Variants in PPP1CC observed in about 807,000 individuals in gnomAD.
The protein encoded by PPP1CC is serine/threonine-protein phosphatase PP1-gamma catalytic subunit.
In PPP1CC, 16 loss-of-function variants were observed where a neutral mutation model predicts 38.4. That is an observed-to-expected ratio of 0.42 (90% CI 0.28 to 0.63). The LOEUF is 0.63. Among genes scored for constraint, PPP1CC ranks in the 30% least tolerant of loss-of-function variants. PPP1CC has a pLI of 0.25. For synonymous variants in PPP1CC, 158 were observed against 136.0 expected, an observed-to-expected ratio of 1.16 and a Z score of -1.13; for missense variants, 170 against 391.3, an observed-to-expected ratio of 0.43 and a Z score of 4.77.
chr12:110,709,267 T>C, the PPP1CC span, among the ~76,000 whole-genome samples: 2 of 152,138 alleles, frequency 1.3e-5, no homozygotes, highest in Non-Finnish European at 2.9e-5. Flanking sequence ...TCTCCCTCTG[T>C]TGCCCAGGCT....
the PPP1CC span, among the ~76,000 whole-genome samples, chr12:110,713,461 T>C: frequency 6.6e-6 from 1 of 152,098 alleles, no homozygotes; most frequent in Non-Finnish European, 1.5e-5. Context: ...TGGAGAATAC[T>C]TGGATTGAAC....
In PPP1CC at chr12:110,742,799, G is replaced by A. The variant is rs2098583699; in HGVS notation, c.-92C>T. On this transcript the variant is annotated 5_prime_UTR_variant, in exon 1 of 7. Transcript: ENST00000335007. ...CTTTCCCACGCCACGAGCAGAGGCG[G>A]TGGTGGCGGCGGTGGCAGCAGCCGC... is the stretch of plus-strand genomic sequence containing the variant. 3 of 1,112,648 alleles carry A rather than the reference G, an allele frequency of 2.7e-6. No homozygotes were observed. The highest frequency in any genetic ancestry group is 6.7e-5 in the South Asian group (2 of 29,848). The allele number at this position is 1,112,648 out of a possible 1,614,324, so 68.9% of individuals were successfully genotyped here.
At chr12:110,714,018 G>C in the PPP1CC span, among the ~76,000 whole-genome samples, 1 of 152,144 alleles carries the variant, frequency 6.6e-6, no homozygotes, top group Non-Finnish European at 1.5e-5. Flanking sequence ...AGAATCGTTT[G>C]AACTTGGGAG....
chr12:110,736,489 C>CA (rs2069946109), intron 1 of PPP1CC, among the ~76,000 whole-genome samples: 2 of 152,064 alleles, frequency 1.3e-5, no homozygotes, highest in African/African-American at 4.8e-5. Flanking sequence ...ACCAAAAATA[C>CA]AAAATATAGC....
chr12:110,734,365 C>T (rs1189924194), intron 1 of PPP1CC, among the ~76,000 whole-genome samples: 2 of 152,128 alleles, frequency 1.3e-5, no homozygotes, highest in African/African-American at 4.8e-5. Flanking sequence ...TATTTAGAGA[C>T]GGAGTTTCAC....
downstream of PPP1CC, among the ~76,000 whole-genome samples, chr12:110,719,172 G>T (rs1338614146): frequency 1.3e-5 from 2 of 152,098 alleles, no homozygotes; most frequent in Non-Finnish European, 2.9e-5. Context: ...AAGTCTGGGA[G>T]AATATTACGT....
At chr12:110,734,468 C>T (rs962466271) in intron 1 of PPP1CC, among the ~76,000 whole-genome samples, 2 of 152,256 alleles carry the variant, frequency 1.3e-5, no homozygotes, top group East Asian at 1.9e-4. Flanking sequence ...CTCAGCCTCC[C>T]GAGTACCTGG....
At position 110,724,698 on chromosome 12, in the gene PPP1CC, G is replaced by A. The variant is rs777761740; in HGVS notation, c.485C>T (p.Ala162Val). ...GAATATCTTCTCATCCACGATGGCT[G>A]CTATCGGTAAACAGTTAAAACAGTC... ...FTDCFNCLPI[A>V]AIVDEKIFCC... Residue 162 changes from alanine to valine, a missense_variant, in exon 4 of 7, where the codon GCA becomes GTA. This residue lies in a region of PPP1CC where 117 missense variants were observed against 344.4 expected (regional missense o/e 0.34). Transcript: ENST00000335007. 1.2e-6 allele frequency: 2 copies of A among 1,613,258 alleles called. No homozygotes were observed. Among genetic ancestry groups the A allele is most frequent in the South Asian group, 2.2e-5 (2 of 91,046 alleles).
chr12:110,738,376 C>CT (rs372813758), intron 1 of PPP1CC, among the ~76,000 whole-genome samples: 3 of 152,222 alleles, frequency 2.0e-5, no homozygotes, highest in African/African-American at 7.2e-5. Context: ...TACAAAGCGA[C>CT]TGACACCCAG....
intron 2 of PPP1CC, 130 bp from the exon 3 acceptor site, chr12:110,730,889 G>A (rs1032066421): frequency 1.6e-6 from 1 of 624,678 alleles, no homozygotes; most frequent in Non-Finnish European, 2.7e-6. Context: ...GAGTTTAACT[G>A]GGCAGCCAAC....
intron 6 of PPP1CC, 69 bp from the exon 7 acceptor site, chr12:110,721,234 C>A (rs2136537611): frequency 7.5e-7 from 1 of 1,336,116 alleles, no homozygotes; most frequent in East Asian, 2.3e-5. Context: ...CCTTAAATTT[C>A]ATTCAGATCT....
chr12:110,728,062 G>A (rs1261258401), intron 3 of PPP1CC, among the ~76,000 whole-genome samples: 8 of 152,196 alleles, frequency 5.3e-5, no homozygotes, highest in African/African-American at 1.9e-4. Flanking sequence ...GTGCAAACAT[G>A]AAAAGTATTT....
chr12:110,736,371 T>TG lies in PPP1CC; in HGVS notation c.56-4471dup, dbSNP rs201195988. Among the ~76,000 whole-genome samples the TG allele has an allele frequency of 3.9e-5, 6 of 152,292 alleles. No individual in the cohort carries two copies. In the East Asian group the frequency reaches 1.2e-3, roughly 29 times the overall value. On this transcript the variant is annotated intron_variant, in intron 1 of 6. Coordinates refer to ENST00000335007, the MANE Select transcript of PPP1CC (RefSeq NM_002710.4). ...ATTATAAAAGAATAGCAGCCAGATG[T>TG]GGTGGCTTGGGCCTATAATCCCAGC... is the stretch of plus-strand genomic sequence containing the variant.
At chr12:110,716,762 A>G (rs1038664185), downstream of PPP1CC, among the ~76,000 whole-genome samples, 23 of 152,242 alleles carry the variant, frequency 1.5e-4, no homozygotes, top group African/African-American at 5.3e-4. Context: ...CAACTGAAAT[A>G]CTTACCTGTG....
chr12:110,731,478 A>G (rs2069871513), intron 2 of PPP1CC, among the ~76,000 whole-genome samples: 1 of 152,188 alleles, frequency 6.6e-6, no homozygotes, highest in South Asian at 2.1e-4. Flanking sequence ...ATTCCTATAC[A>G]TCCATGTAGT....
intron 6 of PPP1CC, 166 bp downstream of exon 6, chr12:110,721,969 A>T: frequency 1.4e-6 from 1 of 723,846 alleles, no homozygotes; most frequent in Non-Finnish European, 2.0e-6. Context: ...TTTTTCTTTT[A>T]CAAGGGATCC....
At chr12:110,710,693 G>A in the PPP1CC span, among the ~76,000 whole-genome samples, 6 of 133,396 alleles carry the variant, frequency 4.5e-5, no homozygotes, top group South Asian at 2.6e-4. Context: ...ACTCCAGCCT[G>A]GGTGACAGAA....
chr12:110,731,942 T>C, intron 1 of PPP1CC, 41 bp from the exon 2 acceptor site: 1 of 1,597,716 alleles, frequency 6.3e-7, no homozygotes, highest in Non-Finnish European at 8.6e-7. Flanking sequence ...GAAGCCAAAA[T>C]ACAAAATACA....
intron 3 of PPP1CC, among the ~76,000 whole-genome samples, chr12:110,727,040 T>C (rs2069807405): frequency 6.6e-6 from 1 of 152,174 alleles, no homozygotes; most frequent in African/African-American, 2.4e-5. Context: ...CAGGTTCCAG[T>C]GATTTTCCTG....
Sources: allele counts gnomAD v4.1 joint callset (sites outside exome capture counted in the v4.1 genomes callset), GRCh38; gene constraint gnomAD v4.1.1; regional missense constraint gnomAD v4.1.1; transcripts MANE v1.5; gene names NCBI Gene and HGNC (gene_info 2026-07-23, HGNC 2026-07-21).